The following ABI1 variants were observed in gnomAD, a reference collection of about 807,000 sequenced individuals.
The protein encoded by ABI1 is Abelson interactor 1.
In ABI1, 14 loss-of-function variants were observed where a neutral mutation model predicts 54.6. That is an observed-to-expected ratio of 0.26 (90% CI 0.17 to 0.40). ABI1 has a LOEUF of 0.40. ABI1 is among the 10% of genes least tolerant of loss of function. The pLI, the probability that ABI1 is intolerant of heterozygous loss-of-function variation, is 1.00. For missense variants in ABI1, 443 were observed against 598.3 expected, an observed-to-expected ratio of 0.74 and a Z score of 2.71; for synonymous variants, 194 against 209.3, an observed-to-expected ratio of 0.93 and a Z score of 0.63.
At chr10:26,852,092 G>A (rs752041962) in intron 1 of ABI1, among the ~76,000 whole-genome samples, 1 of 152,160 alleles carries the variant, frequency 6.6e-6, no homozygotes, top group South Asian at 2.1e-4. Flanking sequence ...CCAGAATTAC[G>A]AGGACAGCTG....
chr10:26,778,896 C>A (rs1248737208), intron 2 of ABI1, among the ~76,000 whole-genome samples: 2 of 152,168 alleles, frequency 1.3e-5, no homozygotes, highest in African/African-American at 2.4e-5. Flanking sequence ...CTCTAATGTA[C>A]ACAACTGTGT....
intron 1 of ABI1, among the ~76,000 whole-genome samples, chr10:26,835,434 G>T (rs890866289): frequency 4.6e-5 from 7 of 152,006 alleles, no homozygotes; most frequent in African/African-American, 1.7e-4. Context: ...AATTAGCAGG[G>T]TGTGGTGGTG....
chr10:26,860,588 C>G lies in ABI1; in HGVS notation c.117+159G>C, dbSNP rs1331966178. 6.6e-6 allele frequency among the ~76,000 whole-genome samples: 1 copy of G among 152,216 alleles called. No individual in the cohort carries two copies. Among genetic ancestry groups the G allele is most frequent in the Non-Finnish European group, 1.5e-5 (1 of 68,034 alleles). On this transcript the variant is annotated intron_variant, in intron 1 of 10. Transcript: ENST00000376140. This position sits in a 1 kb window ranked among gnomAD's most constrained non-coding sequence, Gnocchi z 4.1. Reference sequence around the variant, plus strand: ...GCCCGACTCCCTCAGCCCGGCCACTCGCTCTGTCCCCGGTTGGGGCTGGGG... The same window carrying G: ...GCCCGACTCCCTCAGCCCGGCCACTGGCTCTGTCCCCGGTTGGGGCTGGGG...
chr10:26,767,934 T>C (rs920623588), intron 6 of ABI1, among the ~76,000 whole-genome samples: 1 of 151,898 alleles, frequency 6.6e-6, no homozygotes, highest in Middle Eastern at 3.4e-3. Flanking sequence ...TAATCCCAGC[T>C]ACTCTGGAAG....
chr10:26,753,741 C>A (rs893458040), intron 9 of ABI1, among the ~76,000 whole-genome samples: 3 of 152,108 alleles, frequency 2.0e-5, no homozygotes, highest in Non-Finnish European at 4.4e-5. Context: ...TATTTTAACA[C>A]CAATCCTCCT....
In ABI1 at chr10:26,810,086, T is replaced by C. The variant is rs963625934; in HGVS notation, c.285+13052A>G. ...TAGTTGGCCATAAGTATGGGTAGAA[T>C]GGGGACCCTACTTGCCACTAGCACC... On this transcript the variant is annotated intron_variant, in intron 2 of 10. Coordinates refer to ENST00000376140, the MANE Select transcript of ABI1 (RefSeq NM_001012750.3). Among the ~76,000 whole-genome samples, 3 of 152,194 alleles carry C rather than the reference T, an allele frequency of 2.0e-5. 1 individual carries two copies. Among genetic ancestry groups the C allele is most frequent in the Admixed American group, 2.0e-4 (3 of 15,272 alleles).
chr10:26,749,018 T>C (rs1279391501), intron 10 of ABI1, among the ~76,000 whole-genome samples: 2 of 152,218 alleles, frequency 1.3e-5, no homozygotes, highest in Admixed American at 6.5e-5. Context: ...TTAGAATTTA[T>C]TAGATGTTTC....
At position 26,748,772 on chromosome 10, in the gene ABI1, CAT is replaced by C. The variant is rs373159403; in HGVS notation, c.1271-29_1271-28del. ...TATGGAAAAAACAGTTGAAATATCACATGAGTGCACTATATCCAAAATTTACT... is the reference window on the plus strand; with the variant it reads ...TATGGAAAAAACAGTTGAAATATCACGAGTGCACTATATCCAAAATTTACT... On this transcript the variant is annotated intron_variant, in intron 10 of 10. Coordinates refer to ENST00000376140, the MANE Select transcript of ABI1 (RefSeq NM_001012750.3). 4.3e-3 allele frequency: 6,624 copies of C among 1,541,828 alleles called. 14 individuals carry two copies. The highest frequency in any genetic ancestry group is 5.3e-3 in the Admixed American group (301 of 57,170).
intron 2 of ABI1, among the ~76,000 whole-genome samples, chr10:26,818,631 C>CAAAAAAAAAAAAAAAAAAA (rs376157276): frequency 1.6e-4 from 12 of 73,086 alleles, no homozygotes; most frequent in African/African-American, 6.1e-4. Context: ...GACCCCGTCA[C>CAAAAAAAAAAAAAAAAAAA]AAAAAAAAAA....
intron 2 of ABI1, chr10:26,790,506 T>C (rs1194279818): frequency 2.0e-5 from 3 of 152,178 alleles, no homozygotes; most frequent in African/African-American, 7.2e-5. Flanking sequence ...TCTTTTAAGT[T>C]CCTTATAGAA....
chr10:26,840,512 T>C (rs927614751), intron 1 of ABI1, among the ~76,000 whole-genome samples: 1 of 152,222 alleles, frequency 6.6e-6, no homozygotes, highest in Non-Finnish European at 1.5e-5. Context: ...TAGTCTTAGC[T>C]ATCTCCAGCC....
intron 10 of ABI1, among the ~76,000 whole-genome samples, chr10:26,750,320 C>G (rs942755401): frequency 6.6e-6 from 1 of 152,112 alleles, no homozygotes; most frequent in African/African-American, 2.4e-5. Flanking sequence ...ATGGCAAAAC[C>G]CCATCTCTAC....
At chr10:26,759,350 C>G (rs1055776470) in intron 7 of ABI1, 112 bp from the exon 8 acceptor site, 90 of 805,488 alleles carry the variant, frequency 1.1e-4, no homozygotes, top group Non-Finnish European at 1.4e-4. Context: ...ATTACTTTTT[C>G]AAGACCAAGG....
intron 2 of ABI1, among the ~76,000 whole-genome samples, chr10:26,791,756 T>C (rs1843496003): frequency 6.6e-6 from 1 of 152,170 alleles, no homozygotes. Context: ...GTAAGAAGAA[T>C]GTTTTATTTG....
chr10:26,821,995 G>A (rs1050758501), intron 2 of ABI1, among the ~76,000 whole-genome samples: 2 of 152,016 alleles, frequency 1.3e-5, no homozygotes, highest in African/African-American at 4.8e-5. Context: ...AACACTCCAG[G>A]TCCAGATGGA....
At chr10:26,765,639 G>C (rs1466666613) in intron 6 of ABI1, among the ~76,000 whole-genome samples, 1 of 150,880 alleles carries the variant, frequency 6.6e-6, no homozygotes, top group Non-Finnish European at 1.5e-5. Flanking sequence ...AAGGGAAGGA[G>C]GGAGGGAGGA....
At chr10:26,835,956 T>C (rs2049041507) in intron 1 of ABI1, among the ~76,000 whole-genome samples, 1 of 151,854 alleles carries the variant, frequency 6.6e-6, no homozygotes, top group Non-Finnish European at 1.5e-5. Context: ...TCTCACCATG[T>C]TGCCCAGGCT....
intron 1 of ABI1, among the ~76,000 whole-genome samples, chr10:26,828,250 A>G (rs1414268051): frequency 1.3e-5 from 2 of 152,246 alleles, no homozygotes; most frequent in Non-Finnish European, 2.9e-5. Flanking sequence ...TAAGTTCACC[A>G]TCTCACATGA....
At chr10:26,782,592 G>C (rs943550382) in intron 2 of ABI1, among the ~76,000 whole-genome samples, 3 of 151,998 alleles carry the variant, frequency 2.0e-5, no homozygotes, top group Admixed American at 2.0e-4. Flanking sequence ...GCATGGTGGT[G>C]TGTGCCTGTA....
Sources: allele counts gnomAD v4.1 joint callset (sites outside exome capture counted in the v4.1 genomes callset), GRCh38; gene constraint gnomAD v4.1.1; non-coding constraint Gnocchi (gnomAD v3.1); transcripts MANE v1.5; gene names NCBI Gene and HGNC (gene_info 2026-07-23, HGNC 2026-07-21).